AHCY: variants seen among roughly 807,000 people sequenced by gnomAD.
AHCY encodes the protein S-adenosyl-L-homocysteine hydrolase.
AHCY carries 24 observed loss-of-function variants against 45.4 expected under a neutral mutation model. That is an observed-to-expected ratio of 0.53 (90% CI 0.38 to 0.74). The LOEUF (loss-of-function observed/expected upper bound fraction) is 0.74, where lower values mean the gene tolerates loss of function less well. Ranked by LOEUF, AHCY falls within the 30% of genes least tolerant of loss-of-function variation. The pLI is 0.00. For missense variants in AHCY, 449 were observed against 594.1 expected (o/e 0.76, Z 2.54); for synonymous variants, 245 against 235.1 (o/e 1.04, Z -0.39).
Position 34,292,449 on chromosome 20 carries a change from C to G in AHCY, c.354G>C (p.Leu118=). Residue 118 remains leucine, a synonymous_variant, in exon 4 of 10, where the codon CTG becomes CTC. Transcript: ENST00000217426. ...EEYLWCIEQT[L]YFKDGPLNMI... ...TGTTGAGGGGCCCGTCCTTGAAGTACAGGGTCTGCTCAATGCACCACAGGT... is the reference window on the plus strand; with the variant it reads ...TGTTGAGGGGCCCGTCCTTGAAGTAGAGGGTCTGCTCAATGCACCACAGGT... 1 of 1,614,130 alleles carries G rather than the reference C, an allele frequency of 6.2e-7. No homozygotes were observed. Among genetic ancestry groups the G allele is most frequent in the Non-Finnish European group, 8.5e-7 (1 of 1,180,040 alleles).
At chr20:34,281,606 G>A (rs777603404) in intron 9 of AHCY, 8 of 277,722 alleles carry the variant, frequency 2.9e-5, no homozygotes, top group South Asian at 7.7e-5. Flanking sequence ...AGATAGATCC[G>A]AGAGACAGAA....
chr20:34,306,532 A>G (rs549672022), upstream of AHCY, among the ~76,000 whole-genome samples: 186 of 151,972 alleles, frequency 1.2e-3, no homozygotes, highest in African/African-American at 4.3e-3. Context: ...CCACACCCGG[A>G]TAATTTTTGT....
At chr20:34,285,410 C>G (rs748065449) in intron 9 of AHCY, 30 bp downstream of exon 9, 13 of 1,612,542 alleles carry the variant, frequency 8.1e-6, no homozygotes, top group Non-Finnish European at 1.1e-5. Context: ...GACACGTGAC[C>G]CTTGGCTTGA....
At chr20:34,243,946 T>C in the AHCY span, among the ~76,000 whole-genome samples, 61 of 152,058 alleles carry the variant, frequency 4.0e-4, no homozygotes, top group African/African-American at 1.4e-3. Context: ...GCGCCTGTAG[T>C]CCCAGCTACT....
In AHCY at chr20:34,280,672, A is replaced by G. The variant is rs903851493; in HGVS notation, c.*362T>C. On this transcript the variant is annotated 3_prime_UTR_variant, in exon 10 of 10. Coordinates refer to ENST00000217426, the MANE Select transcript of AHCY (RefSeq NM_000687.4). ...GGACCTGTAAACCAAGCACACAGGT[A>G]TAAGTCCACAGACCAGGTGAAGGCC... The G allele has an allele frequency of 3.1e-5, 11 of 355,286 alleles. No homozygotes were observed. The highest frequency in any genetic ancestry group is 2.0e-4 in the Admixed American group (5 of 25,628). The allele number at this position is 355,286 out of a possible 1,614,324, so 22.0% of individuals were successfully genotyped here.
chr20:34,235,883 A>G, the AHCY span, among the ~76,000 whole-genome samples: 6 of 102,420 alleles, frequency 5.9e-5, no homozygotes, highest in Non-Finnish European at 9.5e-5. Context: ...GGAAGGAAGG[A>G]AGGAAGGAAG....
the AHCY span, among the ~76,000 whole-genome samples, chr20:34,259,191 C>CAG: frequency 0.28 from 41,881 of 150,452 alleles, 10,341 homozygotes; most frequent in African/African-American, 0.67. Context: ...GCCTGGGTGA[C>CAG]AGTGAGACTC....
At chr20:34,242,083 G>T in the AHCY span, among the ~76,000 whole-genome samples, 2 of 152,098 alleles carry the variant, frequency 1.3e-5, no homozygotes, top group African/African-American at 2.4e-5. Context: ...AGGTGAGTTC[G>T]CTCTGCTTCA....
Position 34,291,416 on chromosome 20 carries a change from C to T in AHCY, c.558+3G>A, listed in dbSNP as rs1490959731. 5 of 1,613,324 alleles carry T rather than the reference C, an allele frequency of 3.1e-6. No individual in the cohort carries two copies. The highest frequency in any genetic ancestry group is 4.2e-6 in the Non-Finnish European group (5 of 1,179,598). On this transcript the variant is annotated splice_donor_region_variant and intron_variant, in intron 5 of 9. Coordinates refer to ENST00000217426, the MANE Select transcript of AHCY (RefSeq NM_000687.4). The stretch of plus-strand genomic sequence containing the variant: ...CGGGAGCTGTCACTGCCCCTCGGCT[C>T]ACCTTGGTGACGGAGTCATTGACAT...
chr20:34,264,789 AT>A, the AHCY span, among the ~76,000 whole-genome samples: 138 of 104,206 alleles, frequency 1.3e-3, no homozygotes, highest in East Asian at 3.9e-3. Context: ...AGTTTACTTC[AT>A]TTTTTTTTTT....
In AHCY at chr20:34,295,406, G is replaced by A. The variant is rs1331850505; in HGVS notation, c.208C>T (p.Leu70=). The A allele has an allele frequency of 2.5e-6, 4 of 1,614,026 alleles. No individual in the cohort carries two copies. Among genetic ancestry groups the A allele is most frequent in the South Asian group, 2.2e-5 (2 of 91,062 alleles). ...TAVLIETLVT[L]GAEVQWSSCN... ...GCTGTGGGCCTCACCTCAGCACCCA[G>A]GGTGACGAGGGTCTCAATGAGGACG... Residue 70 remains leucine, a synonymous_variant, in exon 2 of 10, where the codon CTG becomes TTG. Transcript: ENST00000217426.
chr20:34,234,696 G>GGAGGCT, the AHCY span: 4 of 152,146 alleles, frequency 2.6e-5, no homozygotes, highest in South Asian at 2.1e-4. Context: ...CAGCTACTCG[G>GGAGGCT]GAGGCTGAGG....
chr20:34,257,280 G>A, the AHCY span, among the ~76,000 whole-genome samples: 3 of 151,812 alleles, frequency 2.0e-5, no homozygotes, highest in South Asian at 4.2e-4. Context: ...TAGTAGAAAC[G>A]GGGTTTCACC....
chr20:34,283,617 G>C (rs560034909), intron 9 of AHCY, among the ~76,000 whole-genome samples: 1 of 15,250 alleles, frequency 6.6e-5, no homozygotes, highest in African/African-American at 7.7e-5. Flanking sequence ...CATTTCAAAG[G>C]CCTGACCAAT....
At chr20:34,272,667 G>A in the AHCY span, among the ~76,000 whole-genome samples, 222 of 152,248 alleles carry the variant, frequency 1.5e-3, no homozygotes, top group Non-Finnish European at 2.8e-3. Context: ...TGGGAGGATC[G>A]TTTAAGTCCA....
At chr20:34,258,153 AAGAG>A in the AHCY span, among the ~76,000 whole-genome samples, 1 of 151,946 alleles carries the variant, frequency 6.6e-6, no homozygotes, top group South Asian at 2.1e-4. Context: ...TAAAAAAAAA[AAGAG>A]AGAAAGAAAG....
the AHCY span, among the ~76,000 whole-genome samples, chr20:34,264,343 G>A: frequency 6.6e-6 from 1 of 152,178 alleles, no homozygotes. Context: ...GCGAGTACGT[G>A]CTTACAACGC....
At chr20:34,258,205 T>C in the AHCY span, among the ~76,000 whole-genome samples, 4 of 152,094 alleles carry the variant, frequency 2.6e-5, no homozygotes, top group Middle Eastern at 3.4e-3. Context: ...TTAGTAGATA[T>C]TGATGGAGCA....
At chr20:34,305,232 G>A (rs2122844255), upstream of AHCY, among the ~76,000 whole-genome samples, 1 of 151,984 alleles carries the variant, frequency 6.6e-6, no homozygotes, top group Admixed American at 6.5e-5. Context: ...GCTGAGGCAG[G>A]AGAATGGCGT....
Sources: allele counts gnomAD v4.1 joint callset (sites outside exome capture counted in the v4.1 genomes callset), GRCh38; gene constraint gnomAD v4.1.1; transcripts MANE v1.5; gene names NCBI Gene and HGNC (gene_info 2026-07-23, HGNC 2026-07-21).